Variants in IFNAR2 observed in about 807,000 individuals in gnomAD.
IFNAR2 encodes the protein interferon alpha/beta receptor 2.
A neutral mutation model predicts 49.4 loss-of-function variants in IFNAR2; 30 were observed. That is an observed-to-expected ratio of 0.61 (90% CI 0.45 to 0.82). The LOEUF (loss-of-function observed/expected upper bound fraction) is 0.82, where lower values mean the gene tolerates loss of function less well. Among genes scored for constraint, IFNAR2 ranks in the 40% least tolerant of loss-of-function variants. IFNAR2 has a pLI of 0.00. For synonymous variants in IFNAR2, 224 were observed against 234.5 expected (o/e 0.96, Z 0.41); for missense variants, 600 against 622.7 (o/e 0.96, Z 0.39).
rs531809583 is a variant in IFNAR2, at chr21:33,235,593, A to G, written c.-84+5377A>G. Among the ~76,000 whole-genome samples the G allele has an allele frequency of 2.3e-4, 35 of 152,264 alleles. No homozygotes were observed. The South Asian group carries it at 7.0e-3, about 31-fold the overall frequency. ...TTTCTTCCACAGTCTCTCTCTCTCA[A>G]CACGTAATGTTTTTTTGTTTGCTAT... On this transcript the variant is annotated intron_variant, in intron 1 of 8. Transcript: ENST00000342136.
At chr21:33,262,093 C>T (rs747361401) in intron 8 of IFNAR2, among the ~76,000 whole-genome samples, 1 of 151,814 alleles carries the variant, frequency 6.6e-6, no homozygotes, top group Non-Finnish European at 1.5e-5. Context: ...CCTGGCCAGG[C>T]GCGGTGGCCA....
At chr21:33,239,271 TAAGAG>T (rs910052787) in intron 1 of IFNAR2, among the ~76,000 whole-genome samples, 5 of 152,092 alleles carry the variant, frequency 3.3e-5, no homozygotes, top group Admixed American at 6.5e-5. Context: ...GAGCCCCAAA[TAAGAG>T]AAGGAAGGGA....
intron 5 of IFNAR2, 118 bp downstream of exon 5, chr21:33,247,008 T>A: frequency 1.3e-6 from 1 of 749,582 alleles, no homozygotes; most frequent in Non-Finnish European, 2.2e-6. Flanking sequence ...GCTCACCTCT[T>A]GGCCCTGCCA....
At chr21:33,232,388 AAG>A (rs1208895369) in intron 1 of IFNAR2, among the ~76,000 whole-genome samples, 3 of 152,050 alleles carry the variant, frequency 2.0e-5, no homozygotes, top group Non-Finnish European at 4.4e-5. Context: ...AGGAGGGAAA[AAG>A]AGAGGTATGT....
Position 33,230,112 on chromosome 21 carries a change from C to G in IFNAR2, c.-188C>G. 1.1e-5 allele frequency: 11 copies of G among 990,382 alleles called. No homozygotes were observed. The highest frequency in any genetic ancestry group is 1.3e-5 in the Non-Finnish European group (11 of 832,356). The allele number at this position is 990,382 out of a possible 1,614,324, so 61.3% of individuals were successfully genotyped here. On this transcript the variant is annotated 5_prime_UTR_variant, in exon 1 of 9. Coordinates refer to ENST00000342136, the MANE Select transcript of IFNAR2 (RefSeq NM_001289125.3). This position sits in a 1 kb window ranked among gnomAD's most constrained non-coding sequence, Gnocchi z 5.5. ...CGCCCGCCGCTTCTGTCCGAGAGGC[C>G]GCCCGCGAGGCGCATCCTGACCGCG...
Position 33,230,876 on chromosome 21 carries a change from C to T in IFNAR2, c.-84+660C>T, listed in dbSNP as rs1986007117. Reference sequence around the variant, plus strand: ...TACTCCGCGAATATGGAGAGGCGATCGGCACTTGCATTTCAACCCTGAGCA... The same window carrying T: ...TACTCCGCGAATATGGAGAGGCGATTGGCACTTGCATTTCAACCCTGAGCA... On this transcript the variant is annotated intron_variant, in intron 1 of 8. Coordinates refer to ENST00000342136, the MANE Select transcript of IFNAR2 (RefSeq NM_001289125.3). This position sits in a 1 kb window ranked among gnomAD's most constrained non-coding sequence, Gnocchi z 5.5. 6.6e-6 allele frequency among the ~76,000 whole-genome samples: 1 copy of T among 152,178 alleles called. No homozygotes were observed. The highest frequency in any genetic ancestry group is 2.4e-5 in the African/African-American group (1 of 41,420).
At chr21:33,258,580 A>G (rs1404338168) in intron 7 of IFNAR2, among the ~76,000 whole-genome samples, 1 of 152,142 alleles carries the variant, frequency 6.6e-6, no homozygotes, top group Non-Finnish European at 1.5e-5. Context: ...TTATGACACT[A>G]ACTTTGCATC....
intron 4 of IFNAR2, among the ~76,000 whole-genome samples, chr21:33,245,709 A>AT (rs1254214156): frequency 1.3e-5 from 2 of 152,184 alleles, no homozygotes; most frequent in African/African-American, 4.8e-5. Context: ...CATTGCTTTG[A>AT]TCCAGCAGCC....
chr21:33,249,450 C>T (rs1468477508), intron 6 of IFNAR2, among the ~76,000 whole-genome samples: 1 of 151,782 alleles, frequency 6.6e-6, no homozygotes, highest in Non-Finnish European at 1.5e-5. Flanking sequence ...TTTCAGTGAA[C>T]CCTGGAGAGA....
intron 7 of IFNAR2, among the ~76,000 whole-genome samples, chr21:33,259,240 A>G (rs1262927540): frequency 6.6e-6 from 1 of 152,128 alleles, no homozygotes; most frequent in Non-Finnish European, 1.5e-5. Context: ...GATCTGGTCC[A>G]TCTTTCATGA....
chr21:33,248,592 A>G, intron 5 of IFNAR2, 117 bp from the exon 6 acceptor site: 1 of 832,204 alleles, frequency 1.2e-6, no homozygotes, highest in Non-Finnish European at 1.8e-6. Context: ...AAAAATTATG[A>G]TGTAAATCAG....
chr21:33,238,225 G>A (rs1986628719), intron 1 of IFNAR2, among the ~76,000 whole-genome samples: 1 of 152,092 alleles, frequency 6.6e-6, no homozygotes, highest in Non-Finnish European at 1.5e-5. Context: ...TTGTCTCCTG[G>A]CAGTCAACTC....
At chr21:33,240,696 G>A (rs1472052603) in intron 1 of IFNAR2, among the ~76,000 whole-genome samples, 4 of 151,864 alleles carry the variant, frequency 2.6e-5, no homozygotes, top group Non-Finnish European at 1.5e-5. Flanking sequence ...CATACCTGTA[G>A]TCTCAGCTAC....
At chr21:33,253,120 TTGTG>T (rs1987978385) in intron 7 of IFNAR2, among the ~76,000 whole-genome samples, 1 of 152,174 alleles carries the variant, frequency 6.6e-6, no homozygotes, top group Non-Finnish European at 1.5e-5. Flanking sequence ...TGTGTGCCCT[TTGTG>T]TGGCCATTGC....
At chr21:33,245,185 T>C in intron 4 of IFNAR2, 111 bp downstream of exon 4, 1 of 760,528 alleles carries the variant, frequency 1.3e-6, no homozygotes, top group Non-Finnish European at 2.2e-6. Flanking sequence ...CCTATCTACC[T>C]CTCCTTCTCT....
At chr21:33,234,016 A>G (rs975980453) in intron 1 of IFNAR2, among the ~76,000 whole-genome samples, 7 of 152,092 alleles carry the variant, frequency 4.6e-5, no homozygotes, top group Admixed American at 2.6e-4. Flanking sequence ...AAAAGATGCT[A>G]TGTGAATATA....
intron 1 of IFNAR2, among the ~76,000 whole-genome samples, chr21:33,235,851 G>T (rs745648149): frequency 6.6e-6 from 1 of 152,100 alleles, no homozygotes; most frequent in Non-Finnish European, 1.5e-5. Context: ...GAGTGAACTC[G>T]GAAGGCGGAG....
chr21:33,242,783 GT>G (rs1987072767), intron 2 of IFNAR2, among the ~76,000 whole-genome samples: 1 of 78,172 alleles, frequency 1.3e-5, no homozygotes, highest in Non-Finnish European at 2.6e-5. Context: ...GTGTGTGTGT[GT>G]GTGTGTGTGT....
At chr21:33,242,005 T>C (rs1986974555) in intron 2 of IFNAR2, 28 bp downstream of exon 2, 1 of 1,604,404 alleles carries the variant, frequency 6.2e-7, no homozygotes, top group African/African-American at 1.3e-5. Flanking sequence ...TCTTAGCTCT[T>C]ATAGAAGCAA....
Sources: gnomAD v4.1 joint callset for allele counts (sites outside exome capture counted in the v4.1 genomes callset) on GRCh38, gnomAD v4.1.1 for gene constraint, Gnocchi (gnomAD v3.1) non-coding constraint, MANE v1.5 for transcripts, NCBI Gene and HGNC (gene_info 2026-07-23, HGNC 2026-07-21) for gene names.